Variants in DHRSX observed in about 807,000 individuals in gnomAD.
DHRSX encodes polyprenol dehydrogenase.
Under a neutral mutation model 34.0 loss-of-function variants are expected in DHRSX, and 31 were observed. The ratio of observed to expected loss-of-function variants is 0.91; its 90% CI spans 0.69 to 1.23. DHRSX has a LOEUF of 1.23. Ranked by LOEUF, DHRSX falls within the 50% of genes most tolerant of loss-of-function variation. The pLI is 0.00. For missense variants in DHRSX, 414 were observed against 428.1 expected (o/e 0.97, Z 0.29); for synonymous variants, 201 against 183.8 (o/e 1.09, Z -0.76).
chrX:2,392,649 T>A (rs1392465086), intron 3 of DHRSX, among the ~76,000 whole-genome samples: 1 of 146,182 alleles, frequency 6.8e-6, no homozygotes, highest in Non-Finnish European at 1.5e-5. Context: ...TGTTACATAG[T>A]ATGATATATA....
intron 1 of DHRSX, among the ~76,000 whole-genome samples, chrX:2,485,180 GT>G (rs1307447209): frequency 1.3e-5 from 2 of 152,134 alleles, no homozygotes; most frequent in African/African-American, 4.8e-5. Flanking sequence ...GATGAGAACC[GT>G]CGGGGTTAGG....
chrX:2,381,476 G>T (rs182357285), intron 3 of DHRSX, among the ~76,000 whole-genome samples: 1 of 152,068 alleles, frequency 6.6e-6, no homozygotes, highest in African/African-American at 2.4e-5. Context: ...TACAAAATTA[G>T]CTGGGCATGG....
chrX:2,329,274 G>C (rs956100330), intron 3 of DHRSX, among the ~76,000 whole-genome samples: 7 of 152,096 alleles, frequency 4.6e-5, no homozygotes, highest in African/African-American at 1.7e-4. Flanking sequence ...AAGGGCCATG[G>C]CTCAAATAGA....
At chrX:2,463,491 G>C (rs1383945092) in intron 1 of DHRSX, among the ~76,000 whole-genome samples, 1 of 151,528 alleles carries the variant, frequency 6.6e-6, no homozygotes, top group Non-Finnish European at 1.5e-5. Flanking sequence ...TCTCTGATGC[G>C]ATGGGGGCAT....
At chrX:2,429,877 A>G (rs2043895916) in intron 1 of DHRSX, among the ~76,000 whole-genome samples, 1 of 152,170 alleles carries the variant, frequency 6.6e-6, no homozygotes, top group Admixed American at 6.6e-5. Flanking sequence ...AAAACTAACA[A>G]AATCAACATT....
chrX:2,232,854 G>T (rs541398749), intron 6 of DHRSX, among the ~76,000 whole-genome samples: 4 of 152,050 alleles, frequency 2.6e-5, no homozygotes, highest in Admixed American at 2.6e-4. Flanking sequence ...TTACAGGCAT[G>T]AGCCATCGTG....
At chrX:2,392,715 A>G (rs944155129) in intron 3 of DHRSX, among the ~76,000 whole-genome samples, 2 of 144,182 alleles carry the variant, frequency 1.4e-5, no homozygotes, top group African/African-American at 5.0e-5. Flanking sequence ...ATACTTATAT[A>G]TTATAAATTC....
At chrX:2,421,805 A>T (rs1283484501) in intron 2 of DHRSX, among the ~76,000 whole-genome samples, 1 of 152,250 alleles carries the variant, frequency 6.6e-6, no homozygotes, top group Non-Finnish European at 1.5e-5. Context: ...GCCCAGGACC[A>T]GAGCAGCTAT....
At chrX:2,312,127 C>A (rs866351622) in intron 3 of DHRSX, among the ~76,000 whole-genome samples, 10 of 152,184 alleles carry the variant, frequency 6.6e-5, no homozygotes, top group Non-Finnish European at 1.0e-4. Flanking sequence ...GAACTGAGAC[C>A]TGGCAGGGAC....
At chrX:2,495,435 G>T (rs1569349741) in intron 1 of DHRSX, among the ~76,000 whole-genome samples, 1 of 152,040 alleles carries the variant, frequency 6.6e-6, no homozygotes, top group Admixed American at 6.6e-5. Context: ...GCTGAAACAG[G>T]TCTAGTACCT....
intron 1 of DHRSX, among the ~76,000 whole-genome samples, chrX:2,484,383 G>A (rs761205058): frequency 6.6e-6 from 1 of 152,118 alleles, no homozygotes; most frequent in African/African-American, 2.4e-5. Flanking sequence ...GACACCATCA[G>A]GGTACTCATG....
intron 3 of DHRSX, among the ~76,000 whole-genome samples, chrX:2,387,440 C>T (rs1353223396): frequency 6.6e-6 from 1 of 152,122 alleles, no homozygotes; most frequent in Non-Finnish European, 1.5e-5. Flanking sequence ...GGCAAGGAAG[C>T]CAGCCCAAGT....
chrX:2,480,433 A>G (rs28613783), intron 1 of DHRSX, among the ~76,000 whole-genome samples: 16,824 of 150,620 alleles, frequency 0.11, 1,407 homozygotes, highest in South Asian at 0.27. Context: ...TGGAATCACA[A>G]TGCTATGGAA....
At chrX:2,464,555 C>A (rs1409872928) in intron 1 of DHRSX, among the ~76,000 whole-genome samples, 2 of 148,470 alleles carry the variant, frequency 1.3e-5, no homozygotes, top group African/African-American at 5.0e-5. Flanking sequence ...GGGACCCCCG[C>A]CATGTTCGCA....
At chrX:2,445,606 T>C (rs758046785) in intron 1 of DHRSX, among the ~76,000 whole-genome samples, 1 of 152,134 alleles carries the variant, frequency 6.6e-6, no homozygotes, top group Admixed American at 6.5e-5. Flanking sequence ...ACCGCTGCCC[T>C]GTACACAAGG....
At chrX:2,472,177 C>A (rs1377434667) in intron 1 of DHRSX, among the ~76,000 whole-genome samples, 1 of 150,468 alleles carries the variant, frequency 6.6e-6, no homozygotes, top group African/African-American at 2.5e-5. Context: ...ATGTCCTTTG[C>A]AGGAACATGC....
At chrX:2,429,509 G>A (rs1345605017) in intron 1 of DHRSX, among the ~76,000 whole-genome samples, 3 of 151,442 alleles carry the variant, frequency 2.0e-5, no homozygotes, top group Admixed American at 6.6e-5. Context: ...GTGCAGTGGT[G>A]CAATCATGGC....
At chrX:2,490,612 C>G in intron 1 of DHRSX, 2 of 1,613,968 alleles carry the variant, frequency 1.2e-6, no homozygotes, top group African/African-American at 2.7e-5. Flanking sequence ...GGATGCATCC[C>G]TCGGCGTTGG....
intron 3 of DHRSX, among the ~76,000 whole-genome samples, chrX:2,335,527 T>G (rs897379826): frequency 1.7e-4 from 26 of 151,886 alleles, no homozygotes; most frequent in Non-Finnish European, 3.1e-4. Flanking sequence ...CTCGGCTCAC[T>G]GCAACCTCAG....
Sources: allele counts gnomAD v4.1 joint callset (sites outside exome capture counted in the v4.1 genomes callset), GRCh38; gene constraint gnomAD v4.1.1; transcripts MANE v1.5; gene names NCBI Gene and HGNC (gene_info 2026-07-23, HGNC 2026-07-21).